The following PTER variants were observed in gnomAD, a reference collection of about 807,000 sequenced individuals.
PTER encodes N-acetyltaurine hydrolase.
PTER carries 38 observed loss-of-function variants against 29.6 expected under a neutral mutation model. That is an observed-to-expected ratio of 1.28 (90% confidence interval 0.99 to 1.68). PTER has a LOEUF of 1.68. PTER is among the 40% of genes most tolerant of loss of function. PTER has a pLI of 0.00. For missense variants in PTER, 482 were observed against 427.8 expected (o/e 1.13, Z -1.12); for synonymous variants, 172 against 154.5 (o/e 1.11, Z -0.84).
chr10:16,483,321 A>G (rs1283713133), intron 1 of PTER, among the ~76,000 whole-genome samples: 1 of 152,136 alleles, frequency 6.6e-6, no homozygotes, highest in Non-Finnish European at 1.5e-5. Context: ...GTATTTTTGA[A>G]GTGTGTTTCT....
intron 1 of PTER, among the ~76,000 whole-genome samples, chr10:16,454,700 A>G (rs1465013673): frequency 6.6e-6 from 1 of 151,956 alleles, no homozygotes; most frequent in Non-Finnish European, 1.5e-5. Context: ...ATATAATATA[A>G]TTTCCATTTT....
chr10:16,517,215 T>G (rs114280639), downstream of PTER, among the ~76,000 whole-genome samples: 813 of 152,230 alleles, frequency 5.3e-3, 5 homozygotes, highest in African/African-American at 0.018. Flanking sequence ...CTAATATCTT[T>G]TCTTATTACA....
intron 4 of PTER, among the ~76,000 whole-genome samples, chr10:16,508,816 T>C (rs1235341020): frequency 6.6e-6 from 1 of 152,086 alleles, no homozygotes; most frequent in Non-Finnish European, 1.5e-5. Context: ...TGAATGCCCT[T>C]TTGGGTTGCG....
At chr10:16,478,158 T>C (rs1835345236) in intron 1 of PTER, among the ~76,000 whole-genome samples, 1 of 152,214 alleles carries the variant, frequency 6.6e-6, no homozygotes, top group Middle Eastern at 3.2e-3. Context: ...AGGGCAGAGA[T>C]GAGATCTCGT....
intron 3 of PTER, among the ~76,000 whole-genome samples, chr10:16,496,125 C>G (rs922976451): frequency 2.6e-5 from 4 of 152,188 alleles, no homozygotes; most frequent in Non-Finnish European, 5.9e-5. Flanking sequence ...CTCTCCTGTC[C>G]ACTCCTCTGG....
chr10:16,494,013 A>G (rs1459321385), intron 3 of PTER, among the ~76,000 whole-genome samples: 2 of 152,142 alleles, frequency 1.3e-5, no homozygotes, highest in East Asian at 3.9e-4. Context: ...GCAATTTTTC[A>G]TAACTCTGAC....
intron 1 of PTER, among the ~76,000 whole-genome samples, chr10:16,438,885 C>CA (rs1833750680): frequency 6.9e-6 from 1 of 145,866 alleles, no homozygotes; most frequent in East Asian, 2.1e-4. Flanking sequence ...CACACCACTG[C>CA]ACTCCAGCCT....
At chr10:16,514,827 G>A (rs1836923473), downstream of PTER, 1 of 708,626 alleles carries the variant, frequency 1.4e-6, no homozygotes, top group African/African-American at 1.8e-5. Context: ...GCATAGCAAA[G>A]TCCATGTTGA....
At chr10:16,473,637 C>T (rs1400748269) in intron 1 of PTER, among the ~76,000 whole-genome samples, 1 of 151,058 alleles carries the variant, frequency 6.6e-6, no homozygotes, top group Non-Finnish European at 1.5e-5. Flanking sequence ...CGTCTCTGGC[C>T]GAATGCTGTA....
intron 1 of PTER, among the ~76,000 whole-genome samples, chr10:16,472,377 G>A (rs1835084634): frequency 6.6e-6 from 1 of 152,078 alleles, no homozygotes; most frequent in Non-Finnish European, 1.5e-5. Context: ...TCAAGGGTGG[G>A]GCCAGGTGGA....
intron 1 of PTER, among the ~76,000 whole-genome samples, chr10:16,479,850 C>A (rs146563638): frequency 6.6e-6 from 1 of 151,814 alleles, no homozygotes; most frequent in South Asian, 2.1e-4. Flanking sequence ...CATTCGTACA[C>A]GGCTGCCAGG....
chr10:16,466,599 G>A (rs1410742686), intron 1 of PTER, among the ~76,000 whole-genome samples: 2 of 152,134 alleles, frequency 1.3e-5, no homozygotes, highest in Non-Finnish European at 2.9e-5. Flanking sequence ...CAAGTGATCC[G>A]CCTGTCTCTG....
chr10:16,492,700 C>T (rs1835942498), intron 3 of PTER, among the ~76,000 whole-genome samples: 2 of 152,192 alleles, frequency 1.3e-5, no homozygotes, highest in African/African-American at 4.8e-5. Context: ...CTTTTTTCTA[C>T]TTGGTTATCT....
intron 3 of PTER, 72 bp downstream of exon 3, chr10:16,486,689 G>A (rs1835715074): frequency 1.1e-5 from 17 of 1,483,046 alleles, no homozygotes; most frequent in Admixed American, 2.0e-5. Context: ...AGAATCTACA[G>A]TAATCAGTCA....
downstream of PTER, among the ~76,000 whole-genome samples, chr10:16,517,911 T>C (rs1836978830): frequency 6.6e-6 from 1 of 152,224 alleles, no homozygotes; most frequent in Admixed American, 6.5e-5. Flanking sequence ...TTTCCATCTG[T>C]GATCTTACAT....
intron 1 of PTER, among the ~76,000 whole-genome samples, chr10:16,478,998 C>T (rs1012191696): frequency 3.3e-5 from 5 of 152,100 alleles, no homozygotes; most frequent in African/African-American, 1.2e-4. Flanking sequence ...AGCACTGTCA[C>T]TTCCTGGGTT....
At chr10:16,505,663 A>G (rs1305757101) in intron 4 of PTER, among the ~76,000 whole-genome samples, 1 of 152,236 alleles carries the variant, frequency 6.6e-6, no homozygotes, top group African/African-American at 2.4e-5. Context: ...AAAACTGTAT[A>G]ATGTGTGATG....
chr10:16,505,242 T>G, intron 4 of PTER, 82 bp downstream of exon 4: 2 of 1,527,342 alleles, frequency 1.3e-6, no homozygotes, highest in East Asian at 4.5e-5. Context: ...TTAGCAAAGA[T>G]TCAGAAAACA....
At chr10:16,485,372 G>A (rs1427813464) in intron 2 of PTER, among the ~76,000 whole-genome samples, 1 of 152,168 alleles carries the variant, frequency 6.6e-6, no homozygotes, top group Non-Finnish European at 1.5e-5. Flanking sequence ...ATGGGCAGAA[G>A]GAAGTAAATT....
Sources: allele counts gnomAD v4.1 joint callset (sites outside exome capture counted in the v4.1 genomes callset), GRCh38; gene constraint gnomAD v4.1.1; transcripts MANE v1.5; gene names NCBI Gene and HGNC (gene_info 2026-07-23, HGNC 2026-07-21).